The following CCDC178 variants were observed in gnomAD, a reference collection of about 807,000 sequenced individuals.
CCDC178 encodes the protein coiled-coil domain-containing protein 178.
A neutral mutation model predicts 117.4 loss-of-function variants in CCDC178; 126 were observed. That is an observed-to-expected ratio of 1.07 (90% CI 0.93 to 1.24). The LOEUF is 1.24. Among genes scored for constraint, CCDC178 ranks in the 50% most tolerant of loss-of-function variants. CCDC178 has a pLI of 0.00. For missense variants in CCDC178, 1,030 were observed against 986.9 expected (o/e 1.04, Z -0.59); for synonymous variants, 283 against 313.4 (o/e 0.90, Z 1.02).
intron 20 of CCDC178, among the ~76,000 whole-genome samples, chr18:33,145,161 AT>A (rs2064132419): frequency 6.6e-6 from 1 of 152,126 alleles, no homozygotes; most frequent in African/African-American, 2.4e-5. Flanking sequence ...GTTTGGACTA[AT>A]TGTTTCAAGA....
At chr18:33,236,697 T>A (rs2059430449) in intron 15 of CCDC178, among the ~76,000 whole-genome samples, 1 of 152,010 alleles carries the variant, frequency 6.6e-6, no homozygotes, top group African/African-American at 2.4e-5. Flanking sequence ...AAATAAATAA[T>A]GAAGATTTGA....
At chr18:32,944,602 G>A (rs1356912688) in intron 22 of CCDC178, among the ~76,000 whole-genome samples, 2 of 152,058 alleles carry the variant, frequency 1.3e-5, no homozygotes, top group African/African-American at 2.4e-5. Context: ...CAGCTCTTGC[G>A]TAGGCACCAT....
intron 18 of CCDC178, among the ~76,000 whole-genome samples, chr18:33,222,729 G>A (rs899736350): frequency 6.6e-6 from 1 of 151,550 alleles, no homozygotes; most frequent in Non-Finnish European, 1.5e-5. Flanking sequence ...GTTCTTTCTT[G>A]TTTTCTTTCC....
intron 15 of CCDC178, among the ~76,000 whole-genome samples, chr18:33,229,242 C>T (rs997621312): frequency 1.3e-5 from 2 of 152,036 alleles, no homozygotes; most frequent in Admixed American, 6.6e-5. Flanking sequence ...TCAGATTTGC[C>T]CCAAGTTGGA....
chr18:33,310,482 G>T (rs1279807208), intron 11 of CCDC178, among the ~76,000 whole-genome samples: 3 of 152,100 alleles, frequency 2.0e-5, no homozygotes, highest in Non-Finnish European at 2.9e-5. Flanking sequence ...GAGCCCAGAA[G>T]TTTGAGATCA....
At chr18:33,259,323 C>G (rs548713533) in intron 14 of CCDC178, among the ~76,000 whole-genome samples, 1 of 152,156 alleles carries the variant, frequency 6.6e-6, no homozygotes, top group Non-Finnish European at 1.5e-5. Flanking sequence ...TCCTTTCTTG[C>G]ATTTCTTACT....
chr18:33,060,260 A>G (rs272945), intron 21 of CCDC178, among the ~76,000 whole-genome samples: 21,656 of 152,100 alleles, frequency 0.14, 2,396 homozygotes, highest in African/African-American at 0.31. Context: ...ACATTTTATG[A>G]AAATTTAGGT....
chr18:33,367,230 T>C (rs1451599262), intron 6 of CCDC178, among the ~76,000 whole-genome samples: 1 of 152,064 alleles, frequency 6.6e-6, no homozygotes, highest in Non-Finnish European at 1.5e-5. Flanking sequence ...GTTCTCACTT[T>C]CTTGTGGGAT....
chr18:33,341,577 T>C (rs1332420888), intron 9 of CCDC178, among the ~76,000 whole-genome samples: 2 of 152,068 alleles, frequency 1.3e-5, no homozygotes, highest in African/African-American at 4.8e-5. Context: ...CAAGGGGAGG[T>C]AATTTAATCA....
intron 12 of CCDC178, among the ~76,000 whole-genome samples, chr18:33,283,790 G>A (rs74340545): frequency 6.6e-6 from 1 of 152,118 alleles, no homozygotes; most frequent in Non-Finnish European, 1.5e-5. Flanking sequence ...AAAAAGGAAC[G>A]CTTATACACT....
intron 3 of CCDC178, among the ~76,000 whole-genome samples, chr18:33,404,010 C>T (rs1039233085): frequency 3.3e-5 from 5 of 151,974 alleles, no homozygotes; most frequent in African/African-American, 9.7e-5. Flanking sequence ...GTTTGGTTTA[C>T]CACTACCCCT....
chr18:33,424,807 T>A (rs2064095115), intron 2 of CCDC178, among the ~76,000 whole-genome samples: 1 of 152,166 alleles, frequency 6.6e-6, no homozygotes, highest in Non-Finnish European at 1.5e-5. Flanking sequence ...AGAGCTAGCG[T>A]AAGACAGCTG....
chr18:33,365,616 CAT>C (rs1450029807), intron 6 of CCDC178, among the ~76,000 whole-genome samples: 1 of 151,964 alleles, frequency 6.6e-6, no homozygotes, highest in Non-Finnish European at 1.5e-5. Flanking sequence ...GCTTTATTAT[CAT>C]AGTTGATGTT....
chr18:33,319,677 A>G (rs2062475978), intron 11 of CCDC178, among the ~76,000 whole-genome samples: 3 of 152,144 alleles, frequency 2.0e-5, no homozygotes, highest in African/African-American at 7.2e-5. Flanking sequence ...AAGTGTTCCT[A>G]TTTCTCCACA....
intron 5 of CCDC178, 31 bp from the exon 6 acceptor site, chr18:33,370,220 A>T: frequency 6.6e-7 from 1 of 1,515,932 alleles, no homozygotes; most frequent in Non-Finnish European, 8.9e-7. Context: ...TTCATTACTC[A>T]TTCTATACAA....
chr18:33,178,858 A>G (rs1395246137), intron 20 of CCDC178, among the ~76,000 whole-genome samples: 1 of 151,212 alleles, frequency 6.6e-6, no homozygotes, highest in Non-Finnish European at 1.5e-5. Context: ...CTTCTTCTTG[A>G]ACTGTTCAAT....
chr18:33,423,278 A>C (rs192526144), intron 2 of CCDC178, among the ~76,000 whole-genome samples: 151 of 152,308 alleles, frequency 9.9e-4, no homozygotes, highest in African/African-American at 3.5e-3. Flanking sequence ...CAATGATTTC[A>C]GTATATTTTT....
At chr18:32,941,432 G>A (rs763088889) in intron 22 of CCDC178, among the ~76,000 whole-genome samples, 35 of 152,172 alleles carry the variant, frequency 2.3e-4, no homozygotes, top group Non-Finnish European at 4.3e-4. Context: ...AGGAAAACAT[G>A]ATCTTTCAGG....
intron 4 of CCDC178, among the ~76,000 whole-genome samples, chr18:33,392,714 A>C (rs189936529): frequency 6.6e-6 from 1 of 152,090 alleles, no homozygotes; most frequent in Admixed American, 6.6e-5. Context: ...TAAAATTGGA[A>C]AGCCGGGCAT....
Sources: allele counts gnomAD v4.1 joint callset (sites outside exome capture counted in the v4.1 genomes callset), GRCh38; gene constraint gnomAD v4.1.1; transcripts MANE v1.5; gene names NCBI Gene and HGNC (gene_info 2026-07-23, HGNC 2026-07-21).